IQGAP3: variants seen among roughly 807,000 people sequenced by gnomAD.
IQGAP3 encodes the protein IQ motif containing GTPase activating protein 3.
A neutral mutation model predicts 208.2 loss-of-function variants in IQGAP3; 165 were observed. That is an observed-to-expected ratio of 0.79 (90% confidence interval 0.70 to 0.90). The LOEUF (loss-of-function observed/expected upper bound fraction) is 0.90, where lower values mean the gene tolerates loss of function less well. Among genes scored for constraint, IQGAP3 ranks in the 40% least tolerant of loss-of-function variants. The pLI is 0.00. For synonymous variants in IQGAP3, 703 were observed against 803.6 expected, an observed-to-expected ratio of 0.87 and a Z score of 2.12; for missense variants, 1,811 against 2,043.1, an observed-to-expected ratio of 0.89 and a Z score of 2.19.
At chr1:156,542,927 C>T (rs182577774) in intron 22 of IQGAP3, among the ~76,000 whole-genome samples, 6 of 150,710 alleles carry the variant, frequency 4.0e-5, no homozygotes, top group Non-Finnish European at 7.4e-5. Flanking sequence ...GGTGACAGAG[C>T]GAGACTCTGT....
chr1:156,534,312 A>C (rs7552082), intron 29 of IQGAP3, among the ~76,000 whole-genome samples, 171 bp from the exon 30 acceptor site: 71,155 of 151,920 alleles, frequency 0.47, 19,486 homozygotes, highest in African/African-American at 0.75. Flanking sequence ...ACCCCTCAAG[A>C]CAATCTCTCT....
chr1:156,563,155 C>A lies in IQGAP3; in HGVS notation c.777G>T (p.Lys259Asn). The A allele has an allele frequency of 6.2e-7, 1 of 1,603,886 alleles. No individual in the cohort carries two copies. The highest frequency in any genetic ancestry group is 8.5e-7 in the Non-Finnish European group (1 of 1,172,722). ...TTACATGGTTCCTGGCATTGGCTGC[C>A]TTCTCCATCTTGGCCTGGGCCAGCA... is the stretch of plus-strand genomic sequence containing the variant. ...QEMLAQAKME[K>N]AANARNHDDR... The change falls in exon 8 of 38, where the codon AAG (lysine) becomes AAT (asparagine). Residue 259 changes from lysine to asparagine, a missense_variant. Transcript: ENST00000361170.
intron 32 of IQGAP3, among the ~76,000 whole-genome samples, chr1:156,532,573 G>A (rs920647969): frequency 1.3e-5 from 2 of 151,956 alleles, no homozygotes; most frequent in Non-Finnish European, 2.9e-5. Flanking sequence ...TGGGCCAGGC[G>A]CAGTGGGTCA....
At chr1:156,532,864 T>G (rs768555844) in intron 32 of IQGAP3, 116 bp downstream of exon 32, 19 of 1,134,976 alleles carry the variant, frequency 1.7e-5, no homozygotes, top group Non-Finnish European at 2.4e-5. Context: ...GAGAACTTCC[T>G]GAAGGATAAG....
At chr1:156,553,193 G>A (rs1301210713) in intron 13 of IQGAP3, among the ~76,000 whole-genome samples, 3 of 151,810 alleles carry the variant, frequency 2.0e-5, no homozygotes, top group Non-Finnish European at 4.4e-5. Flanking sequence ...AAAAAAAAAA[G>A]AAGTAGGTCA....
chr1:156,548,378 G>A lies in IQGAP3; in HGVS notation c.2103C>T (p.Asn701=). ...TCTCCTCCCGGGTCAGGTGAGAGGTGTTGAGGGGGCAGCCAGGAGGTTGCT... is the reference window on the plus strand; with the variant it reads ...TCTCCTCCCGGGTCAGGTGAGAGGTATTGAGGGGGCAGCCAGGAGGTTGCT... ...IWEQPPGCPL[N]TSHLTREEIQ... Residue 701 remains asparagine (N), a synonymous_variant, in exon 18 of 38, where the codon AAC becomes AAT. Transcript: ENST00000361170. 1.2e-6 allele frequency: 2 copies of A among 1,614,022 alleles called. No homozygotes were observed. Among genetic ancestry groups the A allele is most frequent in the Non-Finnish European group, 1.7e-6 (2 of 1,179,996 alleles).
chr1:156,546,452 T>G, intron 19 of IQGAP3, among the ~76,000 whole-genome samples: 1 of 152,166 alleles, frequency 6.6e-6, no homozygotes, highest in South Asian at 2.1e-4. Context: ...TTTCATCGCC[T>G]TAGTGTGAAA....
chr1:156,529,954 CA>C, intron 34 of IQGAP3, 150 bp downstream of exon 34: 1 of 456,198 alleles, frequency 2.2e-6, no homozygotes, highest in Non-Finnish European at 3.8e-6. Flanking sequence ...ATCTTTCCTT[CA>C]AAAAGGACCC....
Position 156,526,252 on chromosome 1 carries a change from T to C in IQGAP3, c.*234A>G, listed in dbSNP as rs892508545. 1.9e-5 allele frequency: 10 copies of C among 531,096 alleles called. No homozygotes were observed. The highest frequency in any genetic ancestry group is 3.4e-5 in the Non-Finnish European group (10 of 294,290). 32.9% of individuals were successfully genotyped at this position (531,096 alleles called of 1,614,324 possible). A position where few individuals can be genotyped will look rare whatever the true frequency, so the allele number is the denominator to read the frequency against. ...TGGCAGGAAAGCCAGGGGTTTGTCA[T>C]GCATGATAAAAGCCACACAGCTGGA... On this transcript the variant is annotated 3_prime_UTR_variant, in exon 38 of 38. Transcript: ENST00000361170.
At chr1:156,561,347 A>C (rs1368850611) in intron 10 of IQGAP3, among the ~76,000 whole-genome samples, 3 of 152,028 alleles carry the variant, frequency 2.0e-5, no homozygotes, top group Non-Finnish European at 2.9e-5. Context: ...TTGTATTTTT[A>C]GTAGAGACAG....
rs965723668 is a variant in IQGAP3, at chr1:156,563,593, C to A, written c.579G>T (p.Gly193=). ...GLQLPAFSKI[G]GILANELSVD... ...CCGAGAGCTCATTGGCCAAGATGCC[C>A]CCGATCTTGCTGAAGGCAGGCAGCT... The change falls in exon 7 of 38, where the codon GGG becomes GGT. Residue 193 remains glycine, a synonymous_variant. Transcript: ENST00000361170. 1.9e-6 allele frequency: 3 copies of A among 1,613,694 alleles called. No homozygotes were observed. The African/African-American group carries it at 4.0e-5, about 22-fold the overall frequency.
chr1:156,564,758 G>T lies in IQGAP3; in HGVS notation c.361-67C>A, dbSNP rs1012493736. 5.2e-6 allele frequency: 6 copies of T among 1,143,148 alleles called. No individual in the cohort carries two copies. In the African/African-American group the frequency reaches 7.6e-5, roughly 15 times the overall value. 70.8% of individuals were successfully genotyped at this position (1,143,148 alleles called of 1,614,324 possible). On this transcript the variant is annotated intron_variant, in intron 4 of 37. Coordinates refer to ENST00000361170, the MANE Select transcript of IQGAP3 (RefSeq NM_178229.5). ...AAGCACCACCAAATGCGGAGAGGGG[G>T]TGCCGAGGAATGGGTCTTCCTCTCC... is the stretch of plus-strand genomic sequence containing the variant.
chr1:156,571,281 C>T (rs2102453858), intron 1 of IQGAP3, among the ~76,000 whole-genome samples: 1 of 152,266 alleles, frequency 6.6e-6, no homozygotes, highest in Non-Finnish European at 1.5e-5. Context: ...AAGCTACACA[C>T]ACAGTAAGAA....
chr1:156,544,268 C>T (rs775944881), intron 20 of IQGAP3, 45 bp from the exon 21 acceptor site: 2 of 1,602,874 alleles, frequency 1.2e-6, no homozygotes, highest in South Asian at 1.1e-5. Flanking sequence ...TGGGGCCCAC[C>T]CTCACTCAGT....
rs1297608158 is a variant in IQGAP3, at chr1:156,537,162, G to A, written c.3422+19C>T. 1.6e-5 allele frequency: 26 copies of A among 1,609,148 alleles called. No homozygotes were observed. The highest frequency in any genetic ancestry group is 2.2e-5 in the Non-Finnish European group (26 of 1,177,282). On this transcript the variant is annotated intron_variant, in intron 27 of 37. Transcript: ENST00000361170. ...CTTGAAATCCCATGCGTAGGCTGGGGTGGGGCTGTTGCACATACGGAATTT... is the reference window on the plus strand; with the variant it reads ...CTTGAAATCCCATGCGTAGGCTGGGATGGGGCTGTTGCACATACGGAATTT...
intron 13 of IQGAP3, 113 bp from the exon 14 acceptor site, chr1:156,552,208 T>A (rs188534416): frequency 1.5e-6 from 2 of 1,293,050 alleles, no homozygotes; most frequent in Admixed American, 4.6e-5. Flanking sequence ...CCACACTCTT[T>A]TAGTTCTCTT....
At chr1:156,546,555 C>A (rs1675253139) in intron 19 of IQGAP3, among the ~76,000 whole-genome samples, 1 of 152,086 alleles carries the variant, frequency 6.6e-6, no homozygotes, top group South Asian at 2.1e-4. Flanking sequence ...GGACCAATGC[C>A]CTGAAAACAA....
Position 156,534,624 on chromosome 1 carries a change from C to A in IQGAP3, c.3617G>T (p.Arg1206Leu), listed in dbSNP as rs777692127. The change falls in exon 29 of 38, where the codon CGC becomes CTC. Residue 1206 changes from arginine to leucine, a missense_variant. Arg to Leu is a moderately radical substitution (Grantham distance 102). Coordinates refer to ENST00000361170, the MANE Select transcript of IQGAP3 (RefSeq NM_178229.5). ...CTGAGCCACAGCCCCCAGGGCATGG[C>A]GCTGGGGGGCAGCCAGGGCTCCACC... ...AAGGALAAPQ[R>L]HALGAVAQLL... is the part of the protein sequence containing the mutation. The A allele has an allele frequency of 1.9e-6, 3 of 1,611,998 alleles. No individual in the cohort carries two copies. The African/African-American group carries it at 4.0e-5, about 22-fold the overall frequency.
chr1:156,568,996 A>C (rs1202253121), intron 2 of IQGAP3, among the ~76,000 whole-genome samples: 1 of 152,194 alleles, frequency 6.6e-6, no homozygotes, highest in Non-Finnish European at 1.5e-5. Flanking sequence ...AGCAGATGTA[A>C]TTAGTGAGCT....
Sources: allele counts gnomAD v4.1 joint callset (sites outside exome capture counted in the v4.1 genomes callset), GRCh38; gene constraint gnomAD v4.1.1; transcripts MANE v1.5; gene names NCBI Gene and HGNC (gene_info 2026-07-23, HGNC 2026-07-21).